The following NARS2 variants were observed in gnomAD, a reference collection of about 807,000 sequenced individuals.
The protein encoded by NARS2 is asparaginyl-tRNA synthetase.
Under a neutral mutation model 62.9 loss-of-function variants are expected in NARS2, and 60 were observed. The observed-to-expected ratio is 0.95, with a 90% CI of 0.77 to 1.18. NARS2 has a LOEUF of 1.18. Ranked by LOEUF, NARS2 falls within the 50% of genes most tolerant of loss-of-function variation. The probability of loss-of-function intolerance (pLI) is 0.00; values close to 1 mark genes in which losing one functional copy is unlikely to be tolerated. For synonymous variants in NARS2, 196 were observed against 200.0 expected (o/e 0.98, Z 0.17); for missense variants, 619 against 576.4 (o/e 1.07, Z -0.76).
In NARS2 at chr11:78,504,440, T is replaced by TGG. The variant is rs1565243069; in HGVS notation, c.690-11246_690-11245insCC. Among the ~76,000 whole-genome samples the TGG allele has an allele frequency of 3.4e-4, 52 of 150,912 alleles. 1 individual carries two copies. The highest frequency in any genetic ancestry group is 1.7e-3 in the South Asian group (8 of 4,782). On this transcript the variant is annotated intron_variant, in intron 6 of 13. Transcript: ENST00000281038. ...TTCATGTGGCAAAACACCAGTTTTT[T>TGG]TTTTTTTTTTTTTTTTCTGTGTAGG...
At chr11:78,563,441 C>A (rs1445854479) in intron 4 of NARS2, among the ~76,000 whole-genome samples, 2 of 151,870 alleles carry the variant, frequency 1.3e-5, no homozygotes, top group African/African-American at 4.8e-5. Flanking sequence ...TGGTCTCGAT[C>A]TCTTGACCTC....
intron 6 of NARS2, among the ~76,000 whole-genome samples, chr11:78,519,082 T>C (rs185766385): frequency 6.6e-6 from 1 of 152,254 alleles, no homozygotes; most frequent in African/African-American, 2.4e-5. Flanking sequence ...ATCAAGGGAA[T>C]GAAGAATGAG....
intron 11 of NARS2, among the ~76,000 whole-genome samples, chr11:78,463,748 A>G (rs1264266099): frequency 6.6e-6 from 1 of 150,760 alleles, no homozygotes; most frequent in Admixed American, 6.6e-5. Context: ...CCACAGGACA[A>G]GAAACGGTAA....
At chr11:78,512,794 A>T (rs1426093113) in intron 6 of NARS2, among the ~76,000 whole-genome samples, 2 of 152,150 alleles carry the variant, frequency 1.3e-5, no homozygotes, top group Non-Finnish European at 2.9e-5. Context: ...AATATTTTTA[A>T]TTTTTGTGAA....
At chr11:78,487,791 A>G (rs1033327809) in intron 7 of NARS2, among the ~76,000 whole-genome samples, 1 of 152,236 alleles carries the variant, frequency 6.6e-6, no homozygotes, top group South Asian at 2.1e-4. Flanking sequence ...AGCAGACTAT[A>G]TTTAAAGTGC....
intron 6 of NARS2, among the ~76,000 whole-genome samples, chr11:78,505,892 C>CA (rs1049843368): frequency 6.6e-6 from 1 of 151,492 alleles, no homozygotes; most frequent in Non-Finnish European, 1.5e-5. Context: ...TTCTGGTCTT[C>CA]AAAAAAACTA....
intron 5 of NARS2, among the ~76,000 whole-genome samples, chr11:78,544,018 C>CAAAAAAAAAAAAAAAAAAAAAA: frequency 1.4e-5 from 1 of 73,918 alleles, no homozygotes; most frequent in Non-Finnish European, 2.3e-5. Flanking sequence ...GACTCTGTCT[C>CAAAAAAAAAAAAAAAAAAAAAA]AAAAAAAAAA....
At chr11:78,559,486 A>C in intron 5 of NARS2, 53 bp downstream of exon 5, 3 of 1,163,106 alleles carry the variant, frequency 2.6e-6, no homozygotes, top group Non-Finnish European at 3.9e-6. Flanking sequence ...CAAACCCTCA[A>C]ATGAAAAATA....
At chr11:78,537,987 TAAAG>T (rs547361070) in intron 5 of NARS2, among the ~76,000 whole-genome samples, 1 of 152,158 alleles carries the variant, frequency 6.6e-6, no homozygotes, top group Non-Finnish European at 1.5e-5. Flanking sequence ...ATTCCAGAAA[TAAAG>T]AATTCTTAAG....
intron 6 of NARS2, among the ~76,000 whole-genome samples, chr11:78,498,851 A>ATATT (rs1019547629): frequency 5.5e-5 from 8 of 145,520 alleles, no homozygotes; most frequent in African/African-American, 2.0e-4. Context: ...ACATATATAT[A>ATATT]TATTTTATTT....
At chr11:78,511,567 A>T (rs916612213) in intron 6 of NARS2, among the ~76,000 whole-genome samples, 9 of 152,102 alleles carry the variant, frequency 5.9e-5, no homozygotes, top group African/African-American at 1.9e-4. Flanking sequence ...AATACAAAAA[A>T]TTAGCCGGGC....
At chr11:78,477,506 T>TA (rs1354193584) in intron 9 of NARS2, among the ~76,000 whole-genome samples, 1 of 152,212 alleles carries the variant, frequency 6.6e-6, no homozygotes, top group African/African-American at 2.4e-5. Flanking sequence ...GTTCTATCTC[T>TA]AAAATATATT....
In NARS2 at chr11:78,454,738, C is replaced by T. The variant is rs139900753; in HGVS notation, c.1165-10980G>A. The stretch of plus-strand genomic sequence containing the variant: ...GGTTCAAGCGATTCTCTTGCCTCAG[C>T]CTCCCAAGTAGCTGGGATTATAGGC... On this transcript the variant is annotated intron_variant, in intron 11 of 13. Coordinates refer to ENST00000281038, the MANE Select transcript of NARS2 (RefSeq NM_024678.6). 5.5e-3 allele frequency among the ~76,000 whole-genome samples: 834 copies of T among 152,080 alleles called. 1 individual carries two copies. Among genetic ancestry groups the T allele is most frequent in the Non-Finnish European group, 9.4e-3 (642 of 67,992 alleles).
chr11:78,542,501 G>A (rs1289584832), intron 5 of NARS2, among the ~76,000 whole-genome samples: 3 of 152,162 alleles, frequency 2.0e-5, no homozygotes, highest in African/African-American at 7.2e-5. Context: ...CTTTAAGGAT[G>A]AATATGATAA....
chr11:78,466,086 C>A (rs1565216314), intron 10 of NARS2, 73 bp from the exon 11 acceptor site: 3 of 1,466,698 alleles, frequency 2.0e-6, no homozygotes, highest in Middle Eastern at 1.8e-4. Context: ...CTGAAAATAA[C>A]CTGCATCAAT....
intron 7 of NARS2, among the ~76,000 whole-genome samples, chr11:78,492,597 C>T (rs1859873231): frequency 1.3e-5 from 2 of 152,096 alleles, no homozygotes; most frequent in South Asian, 4.1e-4. Context: ...TGGATGCTTT[C>T]TAATATAGCT....
intron 5 of NARS2, among the ~76,000 whole-genome samples, chr11:78,530,470 TAAG>T (rs1344787989): frequency 6.6e-6 from 1 of 152,120 alleles, no homozygotes; most frequent in Non-Finnish European, 1.5e-5. Flanking sequence ...GTCTTAATAA[TAAG>T]ATTTATTTAT....
intron 4 of NARS2, among the ~76,000 whole-genome samples, 168 bp from the exon 5 acceptor site, chr11:78,559,787 C>G (rs1856494685): frequency 6.6e-6 from 1 of 152,114 alleles, no homozygotes; most frequent in African/African-American, 2.4e-5. Flanking sequence ...TTTTAACTAC[C>G]CACAGGGGCA....
At chr11:78,469,541 C>T (rs1385696862) in intron 9 of NARS2, among the ~76,000 whole-genome samples, 4 of 152,220 alleles carry the variant, frequency 2.6e-5, no homozygotes, top group African/African-American at 9.6e-5. Flanking sequence ...AAGCTAGTCA[C>T]TTAAGCAAGT....
Sources: allele counts gnomAD v4.1 joint callset (sites outside exome capture counted in the v4.1 genomes callset), GRCh38; gene constraint gnomAD v4.1.1; transcripts MANE v1.5; gene names NCBI Gene and HGNC (gene_info 2026-07-23, HGNC 2026-07-21).